The following JAZF1 variants were observed in gnomAD, a reference collection of about 807,000 sequenced individuals.
JAZF1 encodes the protein juxtaposed with another zinc finger protein 1.
In JAZF1, 8 loss-of-function variants were observed where a neutral mutation model predicts 26.4. The observed-to-expected ratio is 0.30, with a 90% CI of 0.18 to 0.55. JAZF1 has a LOEUF of 0.55. Ranked by LOEUF, JAZF1 falls within the 20% of genes least tolerant of loss-of-function variation. The pLI is 0.94. For missense variants in JAZF1, 199 were observed against 322.0 expected (o/e 0.62, Z 2.92); for synonymous variants, 126 against 122.3 (o/e 1.03, Z -0.20).
chr7:27,866,376 T>C (rs1379104307), intron 3 of JAZF1, among the ~76,000 whole-genome samples: 1 of 152,158 alleles, frequency 6.6e-6, no homozygotes, highest in Non-Finnish European at 1.5e-5. Flanking sequence ...CATGGTGAGG[T>C]GGCTAAGAGA....
chr7:28,076,971 G>A (rs1271185128), intron 1 of JAZF1, among the ~76,000 whole-genome samples: 6 of 151,948 alleles, frequency 3.9e-5, no homozygotes, highest in African/African-American at 1.2e-4. Context: ...GTGTGTAGAC[G>A]ACAACCAATT....
chr7:27,852,667 A>G (rs1455068653), intron 3 of JAZF1, among the ~76,000 whole-genome samples: 1 of 152,120 alleles, frequency 6.6e-6, no homozygotes, highest in Non-Finnish European at 1.5e-5. Context: ...GTCCCTGCCT[A>G]TCTGCTAAAC....
chr7:27,870,182 C>A (rs1023069083), intron 3 of JAZF1, among the ~76,000 whole-genome samples: 1 of 151,192 alleles, frequency 6.6e-6, no homozygotes, highest in African/African-American at 2.4e-5. Context: ...ACCTCAGCCT[C>A]CCAAAGTGCT....
intron 1 of JAZF1, among the ~76,000 whole-genome samples, chr7:28,107,885 G>A (rs749734564): frequency 2.6e-5 from 4 of 152,152 alleles, no homozygotes; most frequent in Non-Finnish European, 5.9e-5. Flanking sequence ...AATAAATGGT[G>A]GCCTACAAAT....
At chr7:27,860,836 TTCCCCCCA>T (rs1340640534) in intron 3 of JAZF1, among the ~76,000 whole-genome samples, 1 of 151,702 alleles carries the variant, frequency 6.6e-6, no homozygotes, top group Non-Finnish European at 1.5e-5. Context: ...GGTATTCTGG[TTCCCCCCA>T]TCCCCACTTT....
intron 1 of JAZF1, among the ~76,000 whole-genome samples, chr7:28,096,755 T>C (rs1208692105): frequency 1.3e-5 from 2 of 152,186 alleles, no homozygotes; most frequent in Non-Finnish European, 2.9e-5. Context: ...ACATTCTAGC[T>C]CTGGGGTGTG....
chr7:28,016,233 T>A (rs1415442565), intron 1 of JAZF1, among the ~76,000 whole-genome samples: 1 of 152,134 alleles, frequency 6.6e-6, no homozygotes, highest in Non-Finnish European at 1.5e-5. Context: ...GCCTCTGAGG[T>A]CAGCCTGGAG....
At chr7:27,875,935 T>C (rs1302358082) in intron 3 of JAZF1, among the ~76,000 whole-genome samples, 1 of 152,246 alleles carries the variant, frequency 6.6e-6, no homozygotes, top group African/African-American at 2.4e-5. Context: ...CAGTCATTCC[T>C]AAGTCCTCAG....
rs1783990602 is a variant in JAZF1, at chr7:28,072,324, C to T, written c.116-80343G>A. On this transcript the variant is annotated intron_variant, in intron 1 of 4. Coordinates refer to ENST00000283928, the MANE Select transcript of JAZF1 (RefSeq NM_175061.4). Reference sequence around the variant, plus strand: ...CAACCCACTGAACTGTGCGAAATGGCAGCATGTAATAAATAATTAATGCAA... The same window carrying T: ...CAACCCACTGAACTGTGCGAAATGGTAGCATGTAATAAATAATTAATGCAA... 2.0e-5 allele frequency among the ~76,000 whole-genome samples: 3 copies of T among 152,186 alleles called. No individual in the cohort carries two copies. In the South Asian group the frequency reaches 6.2e-4, roughly 32 times the overall value.
At chr7:27,975,721 A>G (rs763275326) in intron 2 of JAZF1, among the ~76,000 whole-genome samples, 1 of 152,228 alleles carries the variant, frequency 6.6e-6, no homozygotes, top group Admixed American at 6.5e-5. Flanking sequence ...AAAAATTTTG[A>G]AAAATTATAA....
At chr7:28,057,147 G>A (rs1352363428) in intron 1 of JAZF1, among the ~76,000 whole-genome samples, 1 of 152,166 alleles carries the variant, frequency 6.6e-6, no homozygotes, top group Non-Finnish European at 1.5e-5. Flanking sequence ...GGGTTTACCT[G>A]ATAGGGGCTA....
chr7:28,062,655 T>TC (rs1208948292), intron 1 of JAZF1, among the ~76,000 whole-genome samples: 1 of 152,140 alleles, frequency 6.6e-6, no homozygotes, highest in African/African-American at 2.4e-5. Flanking sequence ...GGGAGCGACA[T>TC]CCACATCCTC....
At chr7:27,963,516 A>C (rs1349171448) in intron 2 of JAZF1, among the ~76,000 whole-genome samples, 2 of 151,962 alleles carry the variant, frequency 1.3e-5, no homozygotes, top group Non-Finnish European at 2.9e-5. Flanking sequence ...CAAACATTCA[A>C]ATAATTGCAC....
rs573959081 is a variant in JAZF1 at position 27,957,946 on chromosome 7, C to G, written c.188+33963G>C. On this transcript the variant is annotated intron_variant, in intron 2 of 4. Transcript: ENST00000283928. ...TTTTACATATCTATGCAATAGAAGA[C>G]CTTGGTAAGTGAAACAAGAAATGAG... Among the ~76,000 whole-genome samples, 7 of 152,156 alleles carry G rather than the reference C, an allele frequency of 4.6e-5. No individual in the cohort carries two copies. In the East Asian group the frequency reaches 1.4e-3, roughly 29 times the overall value.
In JAZF1 at chr7:27,895,299, G is replaced by A. The variant is rs376254936; in HGVS notation, c.306C>T (p.Arg102=). ...VSRGNVSTPP[R]HSSGSLTPPV... ...GGGGAGTAAGGCTTCCACTGCTGTG[G>A]CGTGGGGGAGTGGACACATTCCCTC... Residue 102 remains arginine, a synonymous_variant, in exon 3 of 5, where the codon CGC becomes CGT. Coordinates refer to ENST00000283928, the MANE Select transcript of JAZF1 (RefSeq NM_175061.4). The A allele has an allele frequency of 8.0e-5, 129 of 1,607,280 alleles. No homozygotes were observed. The highest frequency in any genetic ancestry group is 1.0e-4 in the Non-Finnish European group (120 of 1,175,414).
rs78940503 is a variant in JAZF1, at chr7:27,955,137, C to T, written c.188+36772G>A. On this transcript the variant is annotated intron_variant, in intron 2 of 4. Transcript: ENST00000283928. The stretch of plus-strand genomic sequence containing the variant: ...CAATAAATTCTTGTGGTTTGGTCTA[C>T]ATAAATTTCTTAAAAAGTATATTAG... Among the ~76,000 whole-genome samples the T allele has an allele frequency of 1.8e-3, 277 of 152,282 alleles. 6 individuals are homozygous for T. The East Asian group carries it at 0.046, about 25-fold the overall frequency.
chr7:28,109,766 G>C (rs1784610550), intron 1 of JAZF1, among the ~76,000 whole-genome samples: 1 of 152,194 alleles, frequency 6.6e-6, no homozygotes, highest in African/African-American at 2.4e-5. Context: ...CCCCTGTTCA[G>C]TATTAGCCAT....
chr7:28,120,498 G>GTTATTTTTTTTTTTTTT (rs1345204155), intron 1 of JAZF1, among the ~76,000 whole-genome samples: 1 of 41,096 alleles, frequency 2.4e-5, no homozygotes, highest in East Asian at 8.2e-4. Flanking sequence ...GCCACACACA[G>GTTATTTTTTTTTTTTTT]TTCTTTTTTT....
intron 1 of JAZF1, among the ~76,000 whole-genome samples, chr7:28,023,653 G>A (rs1226269198): frequency 6.6e-6 from 1 of 152,224 alleles, no homozygotes; most frequent in African/African-American, 2.4e-5. Context: ...AGGAAATACT[G>A]TTAAGTATTT....
Sources: allele counts gnomAD v4.1 joint callset (sites outside exome capture counted in the v4.1 genomes callset), GRCh38; gene constraint gnomAD v4.1.1; transcripts MANE v1.5; gene names NCBI Gene and HGNC (gene_info 2026-07-23, HGNC 2026-07-21).